SNTG2: variants seen among roughly 807,000 people sequenced by gnomAD.
SNTG2 encodes gamma-2-syntrophin.
SNTG2 carries 74 observed loss-of-function variants against 70.9 expected under a neutral mutation model. The ratio of observed to expected loss-of-function variants is 1.04; its 90% CI spans 0.86 to 1.27. The LOEUF is 1.27. SNTG2 is among the 50% of genes most tolerant of loss of function. The pLI is 0.00. For missense variants in SNTG2, 717 were observed against 690.7 expected (o/e 1.04, Z -0.43); for synonymous variants, 278 against 273.8 (o/e 1.02, Z -0.15).
chr2:1,184,289 A>G (rs555496774), intron 8 of SNTG2, among the ~76,000 whole-genome samples: 2 of 152,362 alleles, frequency 1.3e-5, no homozygotes, highest in African/African-American at 4.8e-5. Context: ...GTTCAACCAA[A>G]TATGGGAACA....
At position 950,977 on chromosome 2, in the gene SNTG2, AC is replaced by A; in HGVS notation, c.-17del. The A allele has an allele frequency of 8.2e-7, 1 of 1,220,730 alleles. No individual in the cohort carries two copies. The highest frequency in any genetic ancestry group is 3.2e-5 in the East Asian group (1 of 30,774). The allele number at this position is 1,220,730 out of a possible 1,614,324, so 75.6% of individuals were successfully genotyped here. A position where few individuals can be genotyped will look rare whatever the true frequency, so the allele number is the denominator to read the frequency against. ...TGAGCTCGGCCGGCCCGGAGCGCGG[AC>A]CCAGCCGCAGGGGCGGCGATGGGCA... On this transcript the variant is annotated 5_prime_UTR_variant, in exon 1 of 17. Coordinates refer to ENST00000308624, the MANE Select transcript of SNTG2 (RefSeq NM_018968.4).
chr2:1,165,126 A>G (rs1670620888), intron 6 of SNTG2, among the ~76,000 whole-genome samples: 2 of 152,258 alleles, frequency 1.3e-5, no homozygotes, highest in Admixed American at 1.3e-4. Flanking sequence ...GAACTAAAGC[A>G]TCATTTAAAT....
At chr2:1,175,441 A>G (rs891727070) in intron 8 of SNTG2, among the ~76,000 whole-genome samples, 48 of 152,160 alleles carry the variant, frequency 3.2e-4, no homozygotes, top group Admixed American at 5.2e-4. Context: ...GTGAATTTCA[A>G]TAGCTCTTGA....
intron 16 of SNTG2, among the ~76,000 whole-genome samples, chr2:1,355,198 G>C (rs1337148287): frequency 6.6e-6 from 1 of 152,220 alleles, no homozygotes; most frequent in Non-Finnish European, 1.5e-5. Context: ...TTGTTTATGT[G>C]TGGTAACAAG....
chr2:1,010,455 A>G (rs1187894304), intron 1 of SNTG2, among the ~76,000 whole-genome samples: 2 of 152,204 alleles, frequency 1.3e-5, no homozygotes, highest in Non-Finnish European at 2.9e-5. Flanking sequence ...TTCTGAATGA[A>G]TCTGTCCCTC....
At chr2:1,005,408 C>A (rs1406719908) in intron 1 of SNTG2, among the ~76,000 whole-genome samples, 1 of 151,906 alleles carries the variant, frequency 6.6e-6, no homozygotes, top group African/African-American at 2.4e-5. Context: ...GGGCTGTGCA[C>A]ATGTGGGGGC....
chr2:1,077,599 GT>G (rs1364092352), intron 1 of SNTG2, among the ~76,000 whole-genome samples: 1 of 152,108 alleles, frequency 6.6e-6, no homozygotes, highest in Admixed American at 6.6e-5. Flanking sequence ...TTACAGAAAG[GT>G]TTTTTATTTC....
intron 16 of SNTG2, among the ~76,000 whole-genome samples, chr2:1,358,801 T>C (rs1045672307): frequency 3.9e-5 from 6 of 152,202 alleles, no homozygotes; most frequent in Admixed American, 2.6e-4. Context: ...TGTACACATT[T>C]GAGAAGCTTG....
intron 1 of SNTG2, among the ~76,000 whole-genome samples, chr2:974,351 C>G (rs1288026930): frequency 6.6e-6 from 1 of 152,220 alleles, no homozygotes; most frequent in Non-Finnish European, 1.5e-5. Context: ...AGGGCCTCCC[C>G]ACGAGTGTTC....
chr2:1,321,601 G>A (rs997063954), intron 16 of SNTG2, among the ~76,000 whole-genome samples: 5 of 152,142 alleles, frequency 3.3e-5, no homozygotes, highest in Admixed American at 6.5e-5. Context: ...AATCGAGGGT[G>A]CTGAGAAAAC....
chr2:1,192,353 T>C (rs925873217), intron 8 of SNTG2, among the ~76,000 whole-genome samples: 9 of 152,176 alleles, frequency 5.9e-5, no homozygotes, highest in Non-Finnish European at 1.2e-4. Context: ...CACCATAGAC[T>C]CCACACCCAG....
intron 1 of SNTG2, among the ~76,000 whole-genome samples, chr2:1,002,777 C>T (rs749751677): frequency 1.3e-5 from 2 of 150,802 alleles, no homozygotes; most frequent in Non-Finnish European, 3.0e-5. Context: ...AAAATTATAT[C>T]ATTATATCAA....
At chr2:1,006,522 T>G (rs1335384392) in intron 1 of SNTG2, among the ~76,000 whole-genome samples, 1 of 152,176 alleles carries the variant, frequency 6.6e-6, no homozygotes, top group Non-Finnish European at 1.5e-5. Flanking sequence ...AATTTACCGT[T>G]GTCTACTTTT....
chr2:1,225,272 A>G (rs1472430512), intron 9 of SNTG2, among the ~76,000 whole-genome samples: 1 of 152,236 alleles, frequency 6.6e-6, no homozygotes, highest in Non-Finnish European at 1.5e-5. Context: ...GTTTATTACA[A>G]GGTGTGCAAG....
intron 1 of SNTG2, among the ~76,000 whole-genome samples, chr2:1,028,754 T>TA (rs11381306): frequency 4.8e-5 from 7 of 145,434 alleles, no homozygotes; most frequent in East Asian, 3.9e-4. Flanking sequence ...TTTTTTTTTT[T>TA]AAATGCTAAT....
chr2:951,207 A>T (rs1334361240), intron 1 of SNTG2, 139 bp downstream of exon 1: 3 of 421,964 alleles, frequency 7.1e-6, no homozygotes, highest in African/African-American at 6.3e-5. Context: ...GGCTGGCCGG[A>T]GGGTGGGCGC....
At chr2:1,119,295 G>A (rs1667233271) in intron 4 of SNTG2, among the ~76,000 whole-genome samples, 1 of 152,134 alleles carries the variant, frequency 6.6e-6, no homozygotes, top group African/African-American at 2.4e-5. Context: ...AGTACTTCAA[G>A]CAGCTAGAAA....
chr2:965,368 A>ATCCTCCTCCTTGGACCCCAG (rs1558282660), intron 1 of SNTG2, among the ~76,000 whole-genome samples: 11 of 103,094 alleles, frequency 1.1e-4, no homozygotes, highest in African/African-American at 5.4e-4. Flanking sequence ...CTGGTCCCCA[A>ATCCTCCTCCTTGGACCCCAG]TCCTCCTCCT....
chr2:1,102,315 C>T (rs1665829897), intron 4 of SNTG2, among the ~76,000 whole-genome samples: 1 of 152,110 alleles, frequency 6.6e-6, no homozygotes, highest in Non-Finnish European at 1.5e-5. Flanking sequence ...GTCACCCTGG[C>T]TGTTGTGAGG....
Sources: gnomAD v4.1 joint callset for allele counts (sites outside exome capture counted in the v4.1 genomes callset) on GRCh38, gnomAD v4.1.1 for gene constraint, MANE v1.5 for transcripts, NCBI Gene and HGNC (gene_info 2026-07-23, HGNC 2026-07-21) for gene names.